Variants in ECE2 observed in about 807,000 individuals in gnomAD.
ECE2 encodes the protein endothelin converting enzyme 2.
A neutral mutation model predicts 100.6 loss-of-function variants in ECE2; 81 were observed. That is an observed-to-expected ratio of 0.81 (90% CI 0.67 to 0.97). ECE2 has a LOEUF of 0.97. Ranked by LOEUF, ECE2 falls within the 50% of genes least tolerant of loss-of-function variation. The probability of loss-of-function intolerance (pLI) is 0.00; values close to 1 mark genes in which losing one functional copy is unlikely to be tolerated. For synonymous variants in ECE2, 391 were observed against 391.5 expected (o/e 1.00, Z 0.02); for missense variants, 911 against 988.1 (o/e 0.92, Z 1.05).
rs770191908 is a variant in ECE2, at chr3:184,291,212, G to C, written c.2007G>C (p.Gly669=). 3.7e-6 allele frequency: 6 copies of C among 1,612,284 alleles called. No individual in the cohort carries two copies. In the Admixed American group the frequency reaches 1.0e-4, roughly 27 times the overall value. The change falls in exon 17 of 19, where the codon GGG becomes GGC. Residue 669 remains glycine, a synonymous_variant. Transcript: ENST00000404464. This position sits in a 1 kb window ranked among gnomAD's most constrained non-coding sequence, Gnocchi z 4.1. Reference sequence around the variant, plus strand: ...GGGAGAACATTGCTGACAACGGGGGGCTGAAGGCTGCCTACAATGTGAGTG... The same window carrying C: ...GGGAGAACATTGCTGACAACGGGGGCCTGAAGGCTGCCTACAATGTGAGTG... ...TLGENIADNG[G]LKAAYNAYKA...
rs768792304 is a variant in ECE2 at position 184,291,127 on chromosome 3, A to G, written c.1922A>G (p.Glu641Gly). ...TTCCGGAACCACACGGCCTGCATGG[A>G]GGAACAGTACAATCAATACCAGGTC... The part of the protein sequence containing the change: ...AAFRNHTACM[E>G]EQYNQYQVNG... Residue 641 changes from glutamate (E) to glycine (G), a missense_variant, in exon 17 of 19, where the codon GAG becomes GGG. Transcript: ENST00000404464. This position sits in a 1 kb window ranked among gnomAD's most constrained non-coding sequence, Gnocchi z 4.1. The G allele has an allele frequency of 5.1e-5, 83 of 1,612,604 alleles. No individual in the cohort carries two copies. The highest frequency in any genetic ancestry group is 6.6e-5 in the South Asian group (6 of 90,868).
chr3:184,277,042 A>G lies in ECE2; in HGVS notation c.262+15A>G. The G allele has an allele frequency of 1.2e-6, 2 of 1,613,384 alleles. No homozygotes were observed. The highest frequency in any genetic ancestry group is 1.7e-6 in the Non-Finnish European group (2 of 1,179,816). On this transcript the variant is annotated intron_variant, in intron 3 of 18. Transcript: ENST00000404464. ...GTACCACAGAGGTAGGTGGGCCCAC[A>G]CTCTTCGTCAGTATTCATAACTAGG...
intron 7 of ECE2, 58 bp downstream of exon 7, chr3:184,278,615 G>A (rs752942531): frequency 2.1e-5 from 34 of 1,594,296 alleles, no homozygotes; most frequent in Non-Finnish European, 2.8e-5. Context: ...GCTGATCCCT[G>A]TTGACTTTTC....
Position 184,289,176 on chromosome 3 carries a change from C to T in ECE2, c.1375-261C>T, listed in dbSNP as rs1248876492. On this transcript the variant is annotated intron_variant, in intron 11 of 18. Coordinates refer to ENST00000404464, the MANE Select transcript of ECE2 (RefSeq NM_001100121.2). The surrounding 1 kb of genome is among the most constrained non-coding windows in gnomAD (Gnocchi z 4.1). ...TCTCAAAAAAAAAAAAAAATCATTG[C>T]ACTATATTAAATTATAATATAATTT... is the stretch of plus-strand genomic sequence containing the variant. 6.6e-6 allele frequency among the ~76,000 whole-genome samples: 1 copy of T among 151,774 alleles called. No individual in the cohort carries two copies. Among genetic ancestry groups the T allele is most frequent in the Non-Finnish European group, 1.5e-5 (1 of 67,982 alleles).
chr3:184,279,520 G>A (rs942426068), intron 7 of ECE2, among the ~76,000 whole-genome samples: 5 of 151,784 alleles, frequency 3.3e-5, no homozygotes, highest in Non-Finnish European at 7.4e-5. Context: ...GCCAGGCATG[G>A]TGGTGTGCAC....
Position 184,291,912 on chromosome 3 carries a change from C to G in ECE2, c.2122-150C>G. ...GCTTTTTCCCCTCGTCATGTCCATGCTGGGCAACCCGATGTCCAGGGCAGT... is the reference window on the plus strand; with the variant it reads ...GCTTTTTCCCCTCGTCATGTCCATGGTGGGCAACCCGATGTCCAGGGCAGT... On this transcript the variant is annotated intron_variant, in intron 18 of 18. Coordinates refer to ENST00000404464, the MANE Select transcript of ECE2 (RefSeq NM_001100121.2). This position sits in a 1 kb window ranked among gnomAD's most constrained non-coding sequence, Gnocchi z 4.1. 1.2e-6 allele frequency: 1 copy of G among 851,592 alleles called. No homozygotes were observed. Among genetic ancestry groups the G allele is most frequent in the Non-Finnish European group, 1.8e-6 (1 of 556,860 alleles). 52.8% of individuals were successfully genotyped at this position (851,592 alleles called of 1,614,324 possible).
Position 184,277,307 on chromosome 3 carries a change from C to G in ECE2, c.319C>G (p.Leu107Val), listed in dbSNP as rs1033476052. The part of the protein sequence containing the change: ...EACIRVAGKI[L>V]ESLDRGVSPC... ...CTGCATTCGAGTGGCTGGAAAAATC[C>G]TGGAGTCCCTGGACCGAGGGGTGAG... The change falls in exon 4 of 19, where the codon CTG becomes GTG. Residue 107 changes from leucine to valine, a missense_variant. Physicochemically the swap from Leu to Val is conservative, Grantham distance 32. Coordinates refer to ENST00000404464, the MANE Select transcript of ECE2 (RefSeq NM_001100121.2). 1.2e-6 allele frequency: 2 copies of G among 1,614,140 alleles called. No homozygotes were observed. Among genetic ancestry groups the G allele is most frequent in the African/African-American group, 1.3e-5 (1 of 74,950 alleles).
Position 184,287,906 on chromosome 3 carries a change from C to T in ECE2, c.1333C>T (p.Leu445Phe). ...DDALGFALGS[L>F]FVKATFDRQS... Reference sequence around the variant, plus strand: ...CGCCCTTGGCTTTGCTTTGGGGTCCCTCTTCGTGAAGGCCACGTTTGACCG... The same window carrying T: ...CGCCCTTGGCTTTGCTTTGGGGTCCTTCTTCGTGAAGGCCACGTTTGACCG... The change falls in exon 11 of 19, where the codon CTC (leucine) becomes TTC (phenylalanine). Residue 445 changes from leucine (L) to phenylalanine (F), a missense_variant. Leu to Phe is a conservative substitution (Grantham distance 22). Transcript: ENST00000404464. The T allele has an allele frequency of 1.2e-6, 2 of 1,614,226 alleles. No homozygotes were observed. Among genetic ancestry groups the T allele is most frequent in the Non-Finnish European group, 8.5e-7 (1 of 1,180,030 alleles).
At position 184,292,203 on chromosome 3, in the gene ECE2, C is replaced by T; in HGVS notation, c.2263C>T (p.Pro755Ser). ...GCACTTCGGCTGCCCTGTCGGCTCC[C>T]CCATGAACCCAGGGCAGCTGTGTGA... is the stretch of plus-strand genomic sequence containing the variant. ...LRHFGCPVGS[P>S]MNPGQLCEVW Residue 755 changes from proline (P) to serine (S), a missense_variant, in exon 19 of 19, where the codon CCC becomes TCC. Coordinates refer to ENST00000404464, the MANE Select transcript of ECE2 (RefSeq NM_001100121.2). The T allele has an allele frequency of 6.2e-7, 1 of 1,614,126 alleles. No homozygotes were observed. Among genetic ancestry groups the T allele is most frequent in the Non-Finnish European group, 8.5e-7 (1 of 1,180,024 alleles).
chr3:184,276,673 C>G lies in ECE2; in HGVS notation c.126+106C>G, dbSNP rs780163260. On this transcript the variant is annotated intron_variant, in intron 2 of 18. Transcript: ENST00000404464. The stretch of plus-strand genomic sequence containing the variant: ...CTGGAGGGTCACCTGCCCCCACCTC[C>G]GCTCCATCTCTGGCCTCTGCTCTAG... 9.6e-6 allele frequency: 15 copies of G among 1,558,500 alleles called. No individual in the cohort carries two copies. The South Asian group carries it at 1.7e-4, about 17-fold the overall frequency.
chr3:184,291,665 G>C lies in ECE2; in HGVS notation c.2121+226G>C. The C allele has an allele frequency of 7.6e-6, 4 of 526,534 alleles. No individual in the cohort carries two copies. The highest frequency in any genetic ancestry group is 1.3e-5 in the Non-Finnish European group (4 of 300,448). The allele number at this position is 526,534 out of a possible 1,614,324, so 32.6% of individuals were successfully genotyped here. A position where few individuals can be genotyped will look rare whatever the true frequency, so the allele number is the denominator to read the frequency against. ...CGGGAGAATGCCTTGGTAGGATTTC[G>C]CATAGTTCAAAGGGCAAGGTTGTCG... is the stretch of plus-strand genomic sequence containing the variant. On this transcript the variant is annotated intron_variant, in intron 18 of 18. Transcript: ENST00000404464. This position sits in a 1 kb window ranked among gnomAD's most constrained non-coding sequence, Gnocchi z 4.1.
At chr3:184,279,283 C>T (rs1012358251) in intron 7 of ECE2, among the ~76,000 whole-genome samples, 1 of 128,910 alleles carries the variant, frequency 7.8e-6, no homozygotes, top group African/African-American at 3.0e-5. Context: ...GCACTCCAGC[C>T]TGGGTGACGG....
intron 8 of ECE2, among the ~76,000 whole-genome samples, 198 bp downstream of exon 8, chr3:184,284,171 T>C (rs897716415): frequency 3.3e-5 from 5 of 152,082 alleles, no homozygotes; most frequent in African/African-American, 1.2e-4. Context: ...GGGTCATCCT[T>C]TGGTCCCTTT....
At chr3:184,287,132 C>T (rs1025165702) in intron 10 of ECE2, among the ~76,000 whole-genome samples, 12 of 151,042 alleles carry the variant, frequency 7.9e-5, no homozygotes, top group Non-Finnish European at 1.3e-4. Context: ...AAAATTTAGC[C>T]GGGCGTGGTG....
At position 184,290,673 on chromosome 3, in the gene ECE2, T is replaced by C. The variant is rs759341647; in HGVS notation, c.1766+6T>C. 1.2e-6 allele frequency: 2 copies of C among 1,613,860 alleles called. No individual in the cohort carries two copies. Among genetic ancestry groups the C allele is most frequent in the Non-Finnish European group, 1.7e-6 (2 of 1,179,862 alleles). ...TATGCCCGCAACCACCCCAAGTGTGTCTGAAGCAGGAGGGGCTGGGTGCTG... is the reference window on the plus strand; with the variant it reads ...TATGCCCGCAACCACCCCAAGTGTGCCTGAAGCAGGAGGGGCTGGGTGCTG... On this transcript the variant is annotated splice_donor_region_variant and intron_variant, in intron 15 of 18. Coordinates refer to ENST00000404464, the MANE Select transcript of ECE2 (RefSeq NM_001100121.2).
intron 9 of ECE2, 66 bp from the exon 10 acceptor site, chr3:184,285,412 G>A (rs1720997009): frequency 8.0e-7 from 1 of 1,255,108 alleles, no homozygotes; most frequent in South Asian, 1.2e-5. Flanking sequence ...TGTTCCTGGG[G>A]GCTGGTTTGA....
intron 7 of ECE2, among the ~76,000 whole-genome samples, chr3:184,279,427 C>T (rs991007610): frequency 9.3e-5 from 14 of 151,100 alleles, no homozygotes; most frequent in South Asian, 4.2e-4. Flanking sequence ...AGGCTGAGGC[C>T]GGCGGATCAC....
chr3:184,291,321 G>A lies in ECE2; in HGVS notation c.2026-23G>A, dbSNP rs760368383. 6.3e-7 allele frequency: 1 copy of A among 1,593,170 alleles called. No homozygotes were observed. Among genetic ancestry groups the A allele is most frequent in the East Asian group, 2.2e-5 (1 of 44,640 alleles). ...GGTGGGGGCAGGCCTGGATGGGCTT[G>A]TTGCCCACTGTTCTGTCCCCAGGCT... On this transcript the variant is annotated intron_variant, in intron 17 of 18. Transcript: ENST00000404464. The surrounding 1 kb of genome is among the most constrained non-coding windows in gnomAD (Gnocchi z 4.1).
At chr3:184,279,154 A>G (rs1300180760) in intron 7 of ECE2, among the ~76,000 whole-genome samples, 2 of 151,964 alleles carry the variant, frequency 1.3e-5, no homozygotes, top group Non-Finnish European at 2.9e-5. Context: ...TACTAAATAT[A>G]CAAAAATTAG....
Sources: gnomAD v4.1 joint callset for allele counts (sites outside exome capture counted in the v4.1 genomes callset) on GRCh38, gnomAD v4.1.1 for gene constraint, Gnocchi (gnomAD v3.1) non-coding constraint, MANE v1.5 for transcripts, NCBI Gene and HGNC (gene_info 2026-07-23, HGNC 2026-07-21) for gene names.